The following RALGAPB variants were observed in gnomAD, a reference collection of about 807,000 sequenced individuals.
RALGAPB encodes ral GTPase-activating protein subunit beta.
A neutral mutation model predicts 161.1 loss-of-function variants in RALGAPB; 25 were observed. The ratio of observed to expected loss-of-function variants is 0.16; its 90% CI spans 0.11 to 0.22. RALGAPB has a LOEUF of 0.22. Ranked by LOEUF, RALGAPB falls within the 10% of genes least tolerant of loss-of-function variation. The pLI is 1.00. For missense variants in RALGAPB, 1,391 were observed against 1,815.2 expected, an observed-to-expected ratio of 0.77 and a Z score of 4.25; for synonymous variants, 629 against 626.1, an observed-to-expected ratio of 1.00 and a Z score of -0.07.
At chr20:38,510,706 C>T (rs561847932) in intron 6 of RALGAPB, among the ~76,000 whole-genome samples, 3 of 120,532 alleles carry the variant, frequency 2.5e-5, no homozygotes, top group African/African-American at 6.4e-5. Context: ...GTCAGGAGAT[C>T]GAGACCATCC....
chr20:38,532,681 C>T (rs780376704), intron 14 of RALGAPB, 49 bp from the exon 15 acceptor site: 5 of 1,598,996 alleles, frequency 3.1e-6, no homozygotes, highest in East Asian at 4.5e-5. Context: ...TTTATTTATG[C>T]TTGTAAACTG....
intron 23 of RALGAPB, among the ~76,000 whole-genome samples, chr20:38,561,433 A>G (rs1427621555): frequency 6.6e-6 from 1 of 152,236 alleles, no homozygotes; most frequent in Non-Finnish European, 1.5e-5. Context: ...TGACTTTCAC[A>G]GGCCTCTGTA....
intron 6 of RALGAPB, among the ~76,000 whole-genome samples, chr20:38,509,959 G>C (rs1299282686): frequency 2.0e-5 from 3 of 152,054 alleles, no homozygotes; most frequent in Admixed American, 2.0e-4. Flanking sequence ...TTTTTCAGCT[G>C]TCAGTGATCT....
At chr20:38,574,557 GT>G (rs1214040093) in intron 29 of RALGAPB, among the ~76,000 whole-genome samples, 1 of 152,076 alleles carries the variant, frequency 6.6e-6, no homozygotes, top group Non-Finnish European at 1.5e-5. Context: ...CAGAAAATAG[GT>G]TTTTAGAATA....
chr20:38,513,814 GAA>G (rs1352573262), intron 6 of RALGAPB, among the ~76,000 whole-genome samples: 3 of 152,096 alleles, frequency 2.0e-5, no homozygotes, highest in Non-Finnish European at 2.9e-5. Flanking sequence ...ATTCCTGAAA[GAA>G]AAGTTTTGCT....
intron 18 of RALGAPB, 45 bp downstream of exon 18, chr20:38,541,237 G>T: frequency 6.4e-7 from 1 of 1,565,074 alleles, no homozygotes; most frequent in Non-Finnish European, 8.7e-7. Flanking sequence ...AATTAGATGG[G>T]GTTAGCAGTG....
rs1303837709 is a variant in RALGAPB, at chr20:38,575,214, CT to C, written c.*251del. On this transcript the variant is annotated 3_prime_UTR_variant, in exon 30 of 30. Transcript: ENST00000262879. ...GATATACATTTTAGCCATAAACTTT[CT>C]TTTAAAAGTGACAATTTTAGTTAAA... is the stretch of plus-strand genomic sequence containing the variant. The C allele has an allele frequency of 2.5e-6, 1 of 399,162 alleles. No homozygotes were observed. The highest frequency in any genetic ancestry group is 2.0e-5 in the African/African-American group (1 of 49,042). 24.7% of individuals were successfully genotyped at this position (399,162 alleles called of 1,614,324 possible).
chr20:38,558,332 C>T lies in RALGAPB; in HGVS notation c.3410C>T (p.Ala1137Val). The part of the protein sequence containing the change: ...ANSRLPPHLI[A>V]LDSTIPGFFD... Reference sequence around the variant, plus strand: ...AGTCGTCTACCTCCTCACCTTATTGCACTTGATTCCACGATACCTGGATTT... The same window carrying T: ...AGTCGTCTACCTCCTCACCTTATTGTACTTGATTCCACGATACCTGGATTT... Residue 1137 changes from alanine (A) to valine (V), a missense_variant, in exon 23 of 30, where the codon GCA becomes GTA. Ala to Val is a moderately conservative substitution (Grantham distance 64). Around this residue, in one of 3 missense-constraint regions of RALGAPB, gnomAD observed 436 missense variants for 527.0 expected, o/e 0.83. Coordinates refer to ENST00000262879, the MANE Select transcript of RALGAPB (RefSeq NM_020336.4). 1 of 1,599,900 alleles carries T rather than the reference C, an allele frequency of 6.3e-7. No homozygotes were observed. Among genetic ancestry groups the T allele is most frequent in the Non-Finnish European group, 8.5e-7 (1 of 1,172,056 alleles).
At chr20:38,499,313 A>T in intron 4 of RALGAPB, 134 bp from the exon 5 acceptor site, 2 of 852,814 alleles carry the variant, frequency 2.3e-6, no homozygotes, top group Non-Finnish European at 3.6e-6. Context: ...TTTTACTATT[A>T]AATGATTATT....
At chr20:38,491,608 C>G (rs946922083) in intron 2 of RALGAPB, among the ~76,000 whole-genome samples, 1 of 152,226 alleles carries the variant, frequency 6.6e-6, no homozygotes, top group Non-Finnish European at 1.5e-5. Context: ...CTTAAAATTT[C>G]TAGTTGGAAG....
intron 18 of RALGAPB, among the ~76,000 whole-genome samples, chr20:38,542,425 CCTG>C (rs1022898228): frequency 3.4e-4 from 51 of 152,156 alleles, no homozygotes; most frequent in African/African-American, 1.2e-3. Flanking sequence ...GTCATTTAGT[CCTG>C]CTCACTATGC....
chr20:38,522,592 A>G (rs949197914), intron 10 of RALGAPB, among the ~76,000 whole-genome samples: 8 of 152,206 alleles, frequency 5.3e-5, no homozygotes, highest in South Asian at 2.1e-4. Context: ...AGTGAGGTTA[A>G]TATCAACAGA....
Position 38,497,364 on chromosome 20 carries a change from G to T in RALGAPB, c.401G>T (p.Gly134Val), listed in dbSNP as rs2085457283. 6.2e-7 allele frequency: 1 copy of T among 1,613,812 alleles called. No individual in the cohort carries two copies. Among genetic ancestry groups the T allele is most frequent in the South Asian group, 1.1e-5 (1 of 91,022 alleles). The change falls in exon 4 of 30, where the codon GGT becomes GTT. Residue 134 changes from glycine (G) to valine (V), a missense_variant. Transcript: ENST00000262879. ...QNLFVPRQEQ[G>V]SSQIRLCLQV... ...TCTGTCTTCTTCAGACAGGAACAGG[G>T]TTCCAGTCAGATTCGACTATGCTTA...
intron 2 of RALGAPB, among the ~76,000 whole-genome samples, chr20:38,489,553 T>A (rs2085215787): frequency 6.6e-6 from 1 of 152,164 alleles, no homozygotes; most frequent in Non-Finnish European, 1.5e-5. Flanking sequence ...AGCTTGCTAG[T>A]ATAAATTCTG....
chr20:38,478,677 C>T (rs915136379), intron 1 of RALGAPB, among the ~76,000 whole-genome samples: 12 of 152,094 alleles, frequency 7.9e-5, no homozygotes, highest in Middle Eastern at 3.4e-3. Context: ...AGTGCAGTGA[C>T]GCCACCTCGG....
chr20:38,480,867 A>G (rs2084947875), intron 1 of RALGAPB, among the ~76,000 whole-genome samples: 1 of 151,302 alleles, frequency 6.6e-6, no homozygotes, highest in Non-Finnish European at 1.5e-5. Flanking sequence ...CCTCCTGAGT[A>G]GCTGGGACTA....
At chr20:38,485,756 A>G (rs2085094326) in intron 1 of RALGAPB, among the ~76,000 whole-genome samples, 1 of 152,164 alleles carries the variant, frequency 6.6e-6, no homozygotes, top group African/African-American at 2.4e-5. Flanking sequence ...TAATAGGTAC[A>G]AAATGATACT....
chr20:38,486,378 TAAAA>T (rs919546084), intron 1 of RALGAPB, among the ~76,000 whole-genome samples: 3 of 152,194 alleles, frequency 2.0e-5, no homozygotes, highest in South Asian at 2.1e-4. Flanking sequence ...TTTAAAAACT[TAAAA>T]AAAGTTTGTC....
chr20:38,550,969 A>G (rs1197875511), intron 20 of RALGAPB, 102 bp from the exon 21 acceptor site: 7 of 1,361,560 alleles, frequency 5.1e-6, no homozygotes, highest in Non-Finnish European at 7.1e-6. Context: ...GTGACATGTA[A>G]TCCTAGGGAA....
Sources: allele counts gnomAD v4.1 joint callset (sites outside exome capture counted in the v4.1 genomes callset), GRCh38; gene constraint gnomAD v4.1.1; regional missense constraint gnomAD v4.1.1; transcripts MANE v1.5; gene names NCBI Gene and HGNC (gene_info 2026-07-23, HGNC 2026-07-21).